PLPPR1: variants seen among roughly 807,000 people sequenced by gnomAD.
PLPPR1 encodes phospholipid phosphatase related 1, also known as phospholipid phosphatase-related protein type 1.
In PLPPR1, 10 loss-of-function variants were observed where a neutral mutation model predicts 33.1. The ratio of observed to expected loss-of-function variants is 0.30; its 90% confidence interval spans 0.19 to 0.51. The LOEUF is 0.51. Ranked by LOEUF, PLPPR1 falls within the 20% of genes least tolerant of loss-of-function variation. The pLI is 0.97. For synonymous variants in PLPPR1, 151 were observed against 151.0 expected (o/e 1.00, Z 0.00); for missense variants, 304 against 408.1 (o/e 0.74, Z 2.20).
intron 1 of PLPPR1, among the ~76,000 whole-genome samples, chr9:101,171,728 A>G (rs1825945132): frequency 6.6e-6 from 1 of 152,168 alleles, no homozygotes; most frequent in Non-Finnish European, 1.5e-5. Flanking sequence ...CCTATCCCTT[A>G]ATGTCTTTGT....
chr9:101,037,389 G>C (rs575730423), intron 1 of PLPPR1, among the ~76,000 whole-genome samples: 1 of 152,134 alleles, frequency 6.6e-6, no homozygotes, highest in South Asian at 2.1e-4. Flanking sequence ...ATATTTACTG[G>C]AGCAAATCTG....
At chr9:101,065,651 G>A (rs929405736) in intron 1 of PLPPR1, among the ~76,000 whole-genome samples, 1 of 152,052 alleles carries the variant, frequency 6.6e-6, no homozygotes, top group African/African-American at 2.4e-5. Flanking sequence ...TGGATAATTT[G>A]TGTTAGAGAA....
At chr9:101,241,099 A>G (rs890869590) in intron 2 of PLPPR1, among the ~76,000 whole-genome samples, 2 of 152,036 alleles carry the variant, frequency 1.3e-5, no homozygotes, top group African/African-American at 4.8e-5. Context: ...ATAATGCAAG[A>G]TGGTTGTATG....
chr9:101,052,076 C>T (rs1462115785), intron 1 of PLPPR1, among the ~76,000 whole-genome samples: 2 of 152,076 alleles, frequency 1.3e-5, no homozygotes, highest in Non-Finnish European at 2.9e-5. Flanking sequence ...CCTTTTTGTA[C>T]TTCAGTTTCC....
At chr9:101,121,367 A>G (rs963313495) in intron 1 of PLPPR1, among the ~76,000 whole-genome samples, 2 of 152,160 alleles carry the variant, frequency 1.3e-5, no homozygotes, top group African/African-American at 4.8e-5. Flanking sequence ...TGAGACTCAG[A>G]GCATTTAAGT....
intron 2 of PLPPR1, among the ~76,000 whole-genome samples, chr9:101,196,892 T>G (rs1285000322): frequency 6.6e-6 from 1 of 152,082 alleles, no homozygotes; most frequent in African/African-American, 2.4e-5. Flanking sequence ...GTTAAAGATT[T>G]AGCCTCGTGA....
At chr9:101,236,664 T>G (rs955450484) in intron 2 of PLPPR1, among the ~76,000 whole-genome samples, 13 of 151,702 alleles carry the variant, frequency 8.6e-5, no homozygotes, top group African/African-American at 2.9e-4. Flanking sequence ...TATAGTGATA[T>G]TTTGATACAT....
intron 1 of PLPPR1, among the ~76,000 whole-genome samples, chr9:101,130,821 AAG>A (rs751855735): frequency 3.7e-4 from 56 of 152,322 alleles, no homozygotes; most frequent in Non-Finnish European, 5.6e-4. Context: ...ATCAGGTGCA[AAG>A]AGAGATTTAA....
intron 2 of PLPPR1, among the ~76,000 whole-genome samples, chr9:101,238,862 T>C (rs1827389727): frequency 6.6e-6 from 1 of 151,870 alleles, no homozygotes; most frequent in Non-Finnish European, 1.5e-5. Context: ...TAGCTTTCTA[T>C]TCATTAACCA....
At chr9:101,054,200 A>G (rs1297695862) in intron 1 of PLPPR1, among the ~76,000 whole-genome samples, 1 of 152,110 alleles carries the variant, frequency 6.6e-6, no homozygotes, top group Non-Finnish European at 1.5e-5. Context: ...AAAACAAAAC[A>G]AAACAAAACA....
chr9:101,076,358 GC>G (rs965573286), intron 1 of PLPPR1, among the ~76,000 whole-genome samples: 3 of 152,146 alleles, frequency 2.0e-5, no homozygotes, highest in African/African-American at 7.2e-5. Context: ...GATAACTTTG[GC>G]CTTTGTGAGA....
chr9:101,244,804 A>G (rs1827554785), intron 2 of PLPPR1, among the ~76,000 whole-genome samples: 1 of 151,986 alleles, frequency 6.6e-6, no homozygotes, highest in African/African-American at 2.4e-5. Flanking sequence ...AATACCTGGG[A>G]AAATTTGTTA....
intron 2 of PLPPR1, among the ~76,000 whole-genome samples, chr9:101,193,836 A>C (rs748455340): frequency 6.6e-6 from 1 of 152,056 alleles, no homozygotes; most frequent in African/African-American, 2.4e-5. Flanking sequence ...CATAAATGCA[A>C]CTCTTATATT....
intron 1 of PLPPR1, among the ~76,000 whole-genome samples, chr9:101,177,826 T>C (rs554643404): frequency 6.6e-6 from 1 of 152,210 alleles, no homozygotes; most frequent in South Asian, 2.1e-4. Context: ...TTCTGATAAT[T>C]CCCAATATTA....
intron 2 of PLPPR1, among the ~76,000 whole-genome samples, chr9:101,185,985 C>A (rs1826196115): frequency 2.0e-5 from 3 of 151,690 alleles, no homozygotes; most frequent in Non-Finnish European, 2.9e-5. Flanking sequence ...TGCCTTGGAA[C>A]CCAAATAAAG....
chr9:101,057,062 C>A (rs573436916), intron 1 of PLPPR1, among the ~76,000 whole-genome samples: 4 of 152,282 alleles, frequency 2.6e-5, no homozygotes, highest in Admixed American at 6.5e-5. Flanking sequence ...ATGAAGCCTG[C>A]CAGTGTTTAT....
chr9:101,211,791 T>A (rs1280314348), intron 2 of PLPPR1, among the ~76,000 whole-genome samples: 2 of 152,220 alleles, frequency 1.3e-5, no homozygotes, highest in East Asian at 3.9e-4. Context: ...GATCTTTCAT[T>A]TATAAATGAT....
At chr9:101,265,995 C>CAA (rs939753643) in intron 2 of PLPPR1, among the ~76,000 whole-genome samples, 2 of 140,928 alleles carry the variant, frequency 1.4e-5, no homozygotes, top group Non-Finnish European at 3.1e-5. Context: ...GACACCGCCT[C>CAA]AAAAAAAAAA....
intron 1 of PLPPR1, among the ~76,000 whole-genome samples, chr9:101,059,832 G>A (rs1830322935): frequency 1.3e-5 from 2 of 152,030 alleles, no homozygotes. Context: ...TGGCATGGAT[G>A]TGGAGAAAAG....
Sources: allele counts gnomAD v4.1 joint callset (sites outside exome capture counted in the v4.1 genomes callset), GRCh38; gene constraint gnomAD v4.1.1; transcripts MANE v1.5; gene names NCBI Gene and HGNC (gene_info 2026-07-23, HGNC 2026-07-21).